Variants in CIT observed in about 807,000 individuals in gnomAD.
CIT encodes the protein citron rho-interacting serine/threonine kinase.
CIT carries 79 observed loss-of-function variants against 272.7 expected under a neutral mutation model. The ratio of observed to expected loss-of-function variants is 0.29; its 90% confidence interval spans 0.24 to 0.35. The LOEUF is 0.35. Ranked by LOEUF, CIT falls within the 10% of genes least tolerant of loss-of-function variation. CIT has a pLI of 1.00. For missense variants in CIT, 1,909 were observed against 2,618.3 expected, an observed-to-expected ratio of 0.73 and a Z score of 5.91; for synonymous variants, 948 against 995.6, an observed-to-expected ratio of 0.95 and a Z score of 0.90.
intron 22 of CIT, among the ~76,000 whole-genome samples, chr12:119,753,506 G>A (rs1266186991): frequency 6.6e-6 from 1 of 152,110 alleles, no homozygotes; most frequent in African/African-American, 2.4e-5. Flanking sequence ...GGAGGCCGAG[G>A]TGGGCAGATC....
Position 119,804,121 on chromosome 12 carries a change from G to T in CIT, c.1112-732C>A. 2.1e-6 allele frequency: 2 copies of T among 971,570 alleles called. No homozygotes were observed. The allele number at this position is 971,570 out of a possible 1,614,324, so 60.2% of individuals were successfully genotyped here. ...CCGGTGATCTACAGCACCCCTGCGCGCTGACGGTGGGAATGCACGGATGGA... is the reference window on the plus strand; with the variant it reads ...CCGGTGATCTACAGCACCCCTGCGCTCTGACGGTGGGAATGCACGGATGGA... On this transcript the variant is annotated intron_variant, in intron 9 of 47. Transcript: ENST00000392521. This position sits in a 1 kb window ranked among gnomAD's most constrained non-coding sequence, Gnocchi z 5.3.
chr12:119,698,619 C>T (rs1956369204), intron 44 of CIT, among the ~76,000 whole-genome samples: 1 of 151,466 alleles, frequency 6.6e-6, no homozygotes, highest in Non-Finnish European at 1.5e-5. Flanking sequence ...TATAATACAT[C>T]TATGGAATTC....
At position 119,792,725 on chromosome 12, in the gene CIT, G is replaced by A. The variant is rs1593767279; in HGVS notation, c.1296-7660C>T. On this transcript the variant is annotated intron_variant, in intron 10 of 47. Transcript: ENST00000392521. ...CCCAACCTCATGATCCACCCGCCTC[G>A]GCCTCCCAAAGTGCTTGGATTACAG... Among the ~76,000 whole-genome samples the A allele has an allele frequency of 2.6e-5, 4 of 152,232 alleles. No individual in the cohort carries two copies. The Middle Eastern group carries it at 0.01, about 388-fold the overall frequency.
chr12:119,863,849 A>G (rs1950439381), intron 3 of CIT, among the ~76,000 whole-genome samples: 1 of 151,654 alleles, frequency 6.6e-6, no homozygotes, highest in Non-Finnish European at 1.5e-5. Context: ...AAACATAGAA[A>G]AAAAAAAAAA....
intron 13 of CIT, among the ~76,000 whole-genome samples, chr12:119,779,709 T>C (rs1275595818): frequency 6.6e-6 from 1 of 152,050 alleles, no homozygotes; most frequent in African/African-American, 2.4e-5. Flanking sequence ...CCCCCCAACA[T>C]CTCTCTTCCC....
chr12:119,751,727 A>G (rs3956827), intron 23 of CIT, among the ~76,000 whole-genome samples: 89,081 of 152,004 alleles, frequency 0.59, 26,395 homozygotes, highest in African/African-American at 0.64. Context: ...TAAAGTAGAA[A>G]GCCAAGGTAA....
At chr12:119,845,889 C>T (rs1339068783) in intron 5 of CIT, among the ~76,000 whole-genome samples, 2 of 149,226 alleles carry the variant, frequency 1.3e-5, no homozygotes, top group African/African-American at 2.5e-5. Flanking sequence ...TGCAGTGAGC[C>T]GAGAACACGC....
intron 2 of CIT, among the ~76,000 whole-genome samples, chr12:119,871,627 G>A (rs1481827259): frequency 6.6e-6 from 1 of 152,184 alleles, no homozygotes; most frequent in East Asian, 1.9e-4. Flanking sequence ...GCCAAGGTGG[G>A]AGGATCACTT....
intron 28 of CIT, among the ~76,000 whole-genome samples, chr12:119,727,350 A>G (rs2996028): frequency 0.55 from 83,160 of 152,084 alleles, 22,995 homozygotes; most frequent in Admixed American, 0.61. Flanking sequence ...AATTCCACCT[A>G]GAACGGAAAG....
At chr12:119,750,429 G>A (rs1960066376) in intron 23 of CIT, among the ~76,000 whole-genome samples, 1 of 152,122 alleles carries the variant, frequency 6.6e-6, no homozygotes, top group African/African-American at 2.4e-5. Flanking sequence ...AGTCCACTGT[G>A]AAACAAGACA....
At position 119,697,940 on chromosome 12, in the gene CIT, G is replaced by T. The variant is rs577845147; in HGVS notation, c.5702+36C>A. 1.2e-6 allele frequency: 2 copies of T among 1,613,518 alleles called. No homozygotes were observed. Among genetic ancestry groups the T allele is most frequent in the East Asian group, 4.5e-5 (2 of 44,866 alleles). On this transcript the variant is annotated intron_variant, in intron 45 of 47. Coordinates refer to ENST00000392521, the MANE Select transcript of CIT (RefSeq NM_001206999.2). The surrounding 1 kb of genome is among the most constrained non-coding windows in gnomAD (Gnocchi z 4.9). ...GCCGGCCCCAACACCTACCCCAATAGCTGAAGTTTTCCACGCATGGGAGGA... is the reference window on the plus strand; with the variant it reads ...GCCGGCCCCAACACCTACCCCAATATCTGAAGTTTTCCACGCATGGGAGGA...
chr12:119,755,141 G>A lies in CIT; in HGVS notation c.2706+2230C>T, dbSNP rs1960772961. ...GAGGGAGGACTGCTTAAAGCCAGAC[G>A]TCCTCCTTCTGAGAAATCCTGACCT... is the stretch of plus-strand genomic sequence containing the variant. On this transcript the variant is annotated intron_variant, in intron 22 of 47. Coordinates refer to ENST00000392521, the MANE Select transcript of CIT (RefSeq NM_001206999.2). Among the ~76,000 whole-genome samples the A allele has an allele frequency of 6.6e-5, 10 of 152,240 alleles. No individual in the cohort carries two copies. In the South Asian group the frequency reaches 1.2e-3, roughly 19 times the overall value.
At chr12:119,839,891 T>C (rs1256969657) in intron 5 of CIT, among the ~76,000 whole-genome samples, 1 of 152,168 alleles carries the variant, frequency 6.6e-6, no homozygotes, top group African/African-American at 2.4e-5. Context: ...ATTTCGGATG[T>C]GTACACTATT....
At chr12:119,857,458 T>C in intron 4 of CIT, 65 bp downstream of exon 4, 2 of 1,524,450 alleles carry the variant, frequency 1.3e-6, no homozygotes, top group Non-Finnish European at 1.8e-6. Context: ...TGCAGCAGAT[T>C]ATCGTCTTTG....
At chr12:119,688,926 C>T (rs1955751487) in intron 47 of CIT, among the ~76,000 whole-genome samples, 1 of 147,850 alleles carries the variant, frequency 6.8e-6, no homozygotes, top group South Asian at 2.1e-4. Context: ...TTTGGGAGGC[C>T]AAGGTGGGAG....
At chr12:119,751,940 T>G in intron 23 of CIT, 110 bp downstream of exon 23, 1 of 972,906 alleles carries the variant, frequency 1.0e-6, no homozygotes, top group Non-Finnish European at 1.5e-6. Flanking sequence ...TTGTGGATCA[T>G]GTTTTCCCTC....
intron 8 of CIT, among the ~76,000 whole-genome samples, chr12:119,823,904 G>T (rs1038128159): frequency 6.6e-6 from 1 of 151,654 alleles, no homozygotes; most frequent in African/African-American, 2.4e-5. Flanking sequence ...GCCAGGCATG[G>T]TGGTGGGCAC....
intron 3 of CIT, among the ~76,000 whole-genome samples, chr12:119,863,488 C>T (rs1566142904): frequency 6.6e-6 from 1 of 151,994 alleles, no homozygotes; most frequent in Non-Finnish European, 1.5e-5. Context: ...CAAACCTGTA[C>T]ATTTACCCAT....
intron 7 of CIT, among the ~76,000 whole-genome samples, chr12:119,828,587 A>G (rs889292220): frequency 1.4e-5 from 2 of 142,842 alleles, no homozygotes; most frequent in Non-Finnish European, 3.0e-5. Context: ...TTTTTTTTTT[A>G]AAGACTGCTC....
Sources: allele counts gnomAD v4.1 joint callset (sites outside exome capture counted in the v4.1 genomes callset), GRCh38; gene constraint gnomAD v4.1.1; non-coding constraint Gnocchi (gnomAD v3.1); transcripts MANE v1.5; gene names NCBI Gene and HGNC (gene_info 2026-07-23, HGNC 2026-07-21).